Variants in PRPF4 observed in about 807,000 individuals in gnomAD.
The protein encoded by PRPF4 is pre-mRNA splicing tri-snRNP complex factor PRPF4, also known as U4/U6 small nuclear ribonucleoprotein Prp4.
In PRPF4, 14 loss-of-function variants were observed where a neutral mutation model predicts 72.2. The ratio of observed to expected loss-of-function variants is 0.19; its 90% CI spans 0.13 to 0.30. PRPF4 has a LOEUF of 0.30. Ranked by LOEUF, PRPF4 falls within the 10% of genes least tolerant of loss-of-function variation. The pLI is 1.00. For synonymous variants in PRPF4, 225 were observed against 232.2 expected (o/e 0.97, Z 0.28); for missense variants, 478 against 653.9 (o/e 0.73, Z 2.93).
At chr9:113,286,381 C>T in intron 8 of PRPF4, 91 bp downstream of exon 8, 2 of 1,199,468 alleles carry the variant, frequency 1.7e-6, no homozygotes. Context: ...ACCCCATACA[C>T]ACAGCATTAA....
intron 2 of PRPF4, 114 bp downstream of exon 2, chr9:113,276,839 A>G (rs1056076488): frequency 1.6e-5 from 20 of 1,227,020 alleles, no homozygotes; most frequent in Admixed American, 2.4e-5. Flanking sequence ...TTTTTTAAAC[A>G]GAGTCTCGCT....
At position 113,276,658 on chromosome 9, in the gene PRPF4, G is replaced by A. The variant is rs1488037790; in HGVS notation, c.138G>A (p.Glu46=). 1.2e-6 allele frequency: 2 copies of A among 1,613,966 alleles called. No homozygotes were observed. The highest frequency in any genetic ancestry group is 1.3e-5 in the African/African-American group (1 of 74,886). The change falls in exon 2 of 14, where the codon GAG becomes GAA. Residue 46 remains glutamate, a synonymous_variant. Transcript: ENST00000374198. Reference sequence around the variant, plus strand: ...AGAGGGAGCGTCTGGCCAAAGGAGAGTCTGGGATTTTGGGGAAAGACGGAC... The same window carrying A: ...AGAGGGAGCGTCTGGCCAAAGGAGAATCTGGGATTTTGGGGAAAGACGGAC... ...EKERERLAKG[E]SGILGKDGLK... is the part of the protein sequence containing the mutation.
chr9:113,285,639 A>G (rs992534473), intron 7 of PRPF4, among the ~76,000 whole-genome samples: 7 of 151,572 alleles, frequency 4.6e-5, no homozygotes, highest in African/African-American at 1.7e-4. Flanking sequence ...TGGCCTCCCA[A>G]AGTGCTGGGA....
intron 4 of PRPF4, 32 bp from the exon 5 acceptor site, chr9:113,283,100 T>G: frequency 6.2e-7 from 1 of 1,614,122 alleles, no homozygotes; most frequent in Non-Finnish European, 8.5e-7. Flanking sequence ...ATGCTTCAGA[T>G]TTGACCTTTC....
At chr9:113,288,135 T>C (rs1217629633) in intron 9 of PRPF4, 40 bp from the exon 10 acceptor site, 2 of 1,588,956 alleles carry the variant, frequency 1.3e-6, no homozygotes, top group Non-Finnish European at 8.6e-7. Context: ...TGACTATTTA[T>C]ATGTCTATAA....
chr9:113,289,825 G>A (rs7858004), intron 10 of PRPF4, among the ~76,000 whole-genome samples: 4,901 of 152,242 alleles, frequency 0.032, 256 homozygotes, highest in African/African-American at 0.11. Flanking sequence ...TTAGGGCCTA[G>A]TAAATGTATA....
intron 3 of PRPF4, among the ~76,000 whole-genome samples, chr9:113,282,027 CACAGACCAAGTGGTAGCA>C (rs1257954377): frequency 2.2e-4 from 34 of 152,290 alleles, no homozygotes; most frequent in African/African-American, 7.5e-4. Context: ...TGGCAGTCTT[CACAGACCAAGTGGTAGCA>C]GTGTAGGGGC....
At chr9:113,285,600 G>A (rs959964069) in intron 7 of PRPF4, among the ~76,000 whole-genome samples, 8 of 151,350 alleles carry the variant, frequency 5.3e-5, no homozygotes, top group Admixed American at 4.0e-4. Context: ...GGATGGGCTC[G>A]ATCTCCTGAC....
At chr9:113,279,690 G>A (rs1397454796) in intron 3 of PRPF4, among the ~76,000 whole-genome samples, 4 of 152,144 alleles carry the variant, frequency 2.6e-5, no homozygotes, top group African/African-American at 7.2e-5. Context: ...TGCCTGGCCC[G>A]TTTTTCTTTA....
Position 113,292,380 on chromosome 9 carries a change from A to G in PRPF4, c.*720A>G, listed in dbSNP as rs1832633593. ...CAAGGTGGCTGAACTATAGTCTGGA[A>G]GCCCTCAGGTAAAGAGGCACATCTC... On this transcript the variant is annotated 3_prime_UTR_variant, in exon 14 of 14. Transcript: ENST00000374198. 6.6e-6 allele frequency: 1 copy of G among 152,202 alleles called. No homozygotes were observed. The highest frequency in any genetic ancestry group is 1.5e-5 in the Non-Finnish European group (1 of 68,046). The allele number at this position is 152,202 out of a possible 1,614,324, so 9.4% of individuals were successfully genotyped here.
chr9:113,276,019 G>C (rs1355079799), intron 1 of PRPF4, among the ~76,000 whole-genome samples: 3 of 152,242 alleles, frequency 2.0e-5, no homozygotes, highest in Non-Finnish European at 2.9e-5. Context: ...GACTCATCCA[G>C]TAACGGTGCT....
At chr9:113,290,842 G>T (rs541615763) in intron 12 of PRPF4, 35 bp downstream of exon 12, 3 of 1,612,296 alleles carry the variant, frequency 1.9e-6, no homozygotes, top group South Asian at 2.2e-5. Flanking sequence ...GGCGAAAAAG[G>T]GTTCTGGGTC....
At position 113,275,707 on chromosome 9, in the gene PRPF4, C is replaced by A. The variant is rs962488585; in HGVS notation, c.-37C>A. 7.5e-6 allele frequency: 12 copies of A among 1,604,924 alleles called. No homozygotes were observed. The African/African-American group carries it at 1.5e-4, about 20-fold the overall frequency. ...GGTGGACGGTCTGAAAGGGAGTGTT[C>A]GGGTTTCGCTGGGGCCTCGCGGCTC... On this transcript the variant is annotated 5_prime_UTR_variant, in exon 1 of 14. Coordinates refer to ENST00000374198, the MANE Select transcript of PRPF4 (RefSeq NM_001244926.2).
At chr9:113,279,453 T>A (rs2118596371) in intron 3 of PRPF4, among the ~76,000 whole-genome samples, 1 of 152,250 alleles carries the variant, frequency 6.6e-6, no homozygotes, top group African/African-American at 2.4e-5. Context: ...AGCCTCCGCC[T>A]CCCGGGTTCA....
rs1588016313 is a variant in PRPF4, at chr9:113,286,137, G to A, written c.750-95G>A. The A allele has an allele frequency of 6.7e-6, 9 of 1,339,556 alleles. No individual in the cohort carries two copies. In the South Asian group the frequency reaches 9.6e-5, roughly 14 times the overall value. 83.0% of individuals were successfully genotyped at this position (1,339,556 alleles called of 1,614,324 possible). A position where few individuals can be genotyped will look rare whatever the true frequency, so the allele number is the denominator to read the frequency against. On this transcript the variant is annotated intron_variant, in intron 7 of 13. Transcript: ENST00000374198. ...CTGTCAGCCATTGTAAAGTTTATTG[G>A]GGGTGAGAAGAGATTGTCCTTTAGT...
chr9:113,285,657 T>C (rs112715429), intron 7 of PRPF4, among the ~76,000 whole-genome samples: 3,390 of 151,748 alleles, frequency 0.022, 135 homozygotes, highest in African/African-American at 0.076. Flanking sequence ...GGATTACAGG[T>C]GTGAGCCACA....
intron 5 of PRPF4, 30 bp downstream of exon 5, chr9:113,283,241 G>A (rs1485036951): frequency 6.2e-7 from 1 of 1,614,094 alleles, no homozygotes; most frequent in African/African-American, 1.3e-5. Flanking sequence ...GAAGAAAGAA[G>A]CATATTTTTT....
At position 113,286,969 on chromosome 9, in the gene PRPF4, T is replaced by C. The variant is rs1408114646; in HGVS notation, c.932+141T>C. The stretch of plus-strand genomic sequence containing the variant: ...CTTAAGGCTGAGGCAGGAGAATTGC[T>C]TAAACCCGGGAAATGGAGGTTGTGG... On this transcript the variant is annotated intron_variant, in intron 9 of 13. Transcript: ENST00000374198. The C allele has an allele frequency of 2.4e-6, 3 of 1,260,200 alleles. No homozygotes were observed. The African/African-American group carries it at 4.5e-5, about 19-fold the overall frequency. The allele number at this position is 1,260,200 out of a possible 1,614,324, so 78.1% of individuals were successfully genotyped here.
chr9:113,290,637 T>C, intron 11 of PRPF4, 49 bp downstream of exon 11: 1 of 1,614,132 alleles, frequency 6.2e-7, no homozygotes, highest in Non-Finnish European at 8.5e-7. Context: ...TCTCACCTCT[T>C]ACCTATACCT....
Sources: allele counts gnomAD v4.1 joint callset (sites outside exome capture counted in the v4.1 genomes callset), GRCh38; gene constraint gnomAD v4.1.1; transcripts MANE v1.5; gene names NCBI Gene and HGNC (gene_info 2026-07-23, HGNC 2026-07-21).